The following STK33 variants were observed in gnomAD, a reference collection of about 807,000 sequenced individuals.
The protein encoded by STK33 is serine/threonine-protein kinase 33.
A neutral mutation model predicts 58.0 loss-of-function variants in STK33; 52 were observed. The ratio of observed to expected loss-of-function variants is 0.90; its 90% CI spans 0.72 to 1.13. The LOEUF is 1.13. Among genes scored for constraint, STK33 ranks in the 50% most tolerant of loss-of-function variants. The probability of loss-of-function intolerance (pLI) is 0.00; values close to 1 mark genes in which losing one functional copy is unlikely to be tolerated. For missense variants in STK33, 630 were observed against 604.2 expected (o/e 1.04, Z -0.45); for synonymous variants, 215 against 200.1 (o/e 1.07, Z -0.63).
intron 14 of STK33, among the ~76,000 whole-genome samples, chr11:8,425,965 C>G (rs1237172473): frequency 6.6e-6 from 1 of 151,992 alleles, no homozygotes; most frequent in South Asian, 2.1e-4. Flanking sequence ...TCCTGAAGCC[C>G]CAGTGGGTGT....
intron 1 of STK33, among the ~76,000 whole-genome samples, chr11:8,480,915 T>G (rs1461471918): frequency 5.9e-5 from 9 of 152,192 alleles, no homozygotes; most frequent in Non-Finnish European, 1.0e-4. Context: ...AGAGTAAATC[T>G]GGGAAGTCTG....
intron 1 of STK33, among the ~76,000 whole-genome samples, chr11:8,579,504 G>T (rs974256184): frequency 2.0e-5 from 3 of 151,686 alleles, no homozygotes; most frequent in Admixed American, 6.6e-5. Context: ...TATCTCTCTT[G>T]TAGATGAATA....
intron 1 of STK33, among the ~76,000 whole-genome samples, chr11:8,590,908 T>C (rs1289923123): frequency 2.0e-5 from 3 of 152,222 alleles, no homozygotes; most frequent in Non-Finnish European, 2.9e-5. Flanking sequence ...TAATTTTATA[T>C]TGCATTTTCC....
the STK33 span, among the ~76,000 whole-genome samples, chr11:8,355,654 A>T: frequency 6.6e-6 from 1 of 152,196 alleles, no homozygotes; most frequent in African/African-American, 2.4e-5. Context: ...GGCCAGGTGG[A>T]CTGGCTTTCA....
chr11:8,541,645 T>C (rs1241840317), intron 1 of STK33, among the ~76,000 whole-genome samples: 1 of 152,210 alleles, frequency 6.6e-6, no homozygotes, highest in African/African-American at 2.4e-5. Context: ...AACTTTGATA[T>C]AGTCCTAAAT....
intron 1 of STK33, among the ~76,000 whole-genome samples, chr11:8,523,329 T>C (rs1591616632): frequency 7.4e-6 from 1 of 134,686 alleles, no homozygotes; most frequent in Non-Finnish European, 1.6e-5. Flanking sequence ...CCAGCCGCCA[T>C]CCCATCTAGG....
chr11:8,575,564 C>T (rs1466347696), intron 1 of STK33, among the ~76,000 whole-genome samples: 1 of 151,988 alleles, frequency 6.6e-6, no homozygotes, highest in Non-Finnish European at 1.5e-5. Context: ...TGGAGACAGA[C>T]AGTAGATTAG....
chr11:8,557,286 G>GAGAA (rs150095375), intron 1 of STK33, among the ~76,000 whole-genome samples: 23 of 34,316 alleles, frequency 6.7e-4, no homozygotes, highest in Admixed American at 1.1e-3. Flanking sequence ...GGAGGGGAGG[G>GAGAA]GAGGAGAGAA....
At chr11:8,485,047 T>G (rs1158210128) in intron 1 of STK33, among the ~76,000 whole-genome samples, 2 of 152,194 alleles carry the variant, frequency 1.3e-5, no homozygotes, top group Non-Finnish European at 2.9e-5. Context: ...TCTGTAACAT[T>G]TGAAAAAATA....
intron 2 of STK33, among the ~76,000 whole-genome samples, chr11:8,480,104 G>C (rs1194458017): frequency 6.6e-6 from 1 of 152,140 alleles, no homozygotes; most frequent in Non-Finnish European, 1.5e-5. Flanking sequence ...AGAGGATTAG[G>C]CATATGGGAT....
intron 1 of STK33, among the ~76,000 whole-genome samples, chr11:8,584,814 T>C (rs1251311910): frequency 3.9e-5 from 6 of 151,982 alleles, no homozygotes; most frequent in African/African-American, 1.5e-4. Context: ...AACCCTAAGG[T>C]AAACAGGCAG....
intron 6 of STK33, among the ~76,000 whole-genome samples, chr11:8,471,441 T>C (rs1025101252): frequency 2.6e-5 from 4 of 152,184 alleles, no homozygotes; most frequent in African/African-American, 9.6e-5. Context: ...AAGAAGTCCA[T>C]GACATAGTGT....
At chr11:8,593,591 A>G (rs1591960132) in intron 1 of STK33, among the ~76,000 whole-genome samples, 1 of 151,820 alleles carries the variant, frequency 6.6e-6, no homozygotes, top group Admixed American at 6.6e-5. Flanking sequence ...TCATCCTTTC[A>G]CCTCCTATGT....
chr11:8,503,561 C>G (rs972044235), intron 1 of STK33, among the ~76,000 whole-genome samples: 3 of 152,142 alleles, frequency 2.0e-5, no homozygotes, highest in African/African-American at 7.2e-5. Flanking sequence ...ACACCAAACC[C>G]TTGCAACATG....
At chr11:8,559,004 A>C (rs1956950906) in intron 1 of STK33, among the ~76,000 whole-genome samples, 1 of 152,192 alleles carries the variant, frequency 6.6e-6, no homozygotes, top group African/African-American at 2.4e-5. Context: ...CAGACTCTCT[A>C]ATAGAAAACA....
At chr11:8,504,464 G>C (rs1411080264) in intron 1 of STK33, among the ~76,000 whole-genome samples, 1 of 152,044 alleles carries the variant, frequency 6.6e-6, no homozygotes, top group Non-Finnish European at 1.5e-5. Context: ...GGAATTTTGA[G>C]ATATAGTTGT....
downstream of STK33, among the ~76,000 whole-genome samples, chr11:8,387,099 A>T (rs1464671566): frequency 3.3e-5 from 5 of 152,226 alleles, no homozygotes; most frequent in African/African-American, 1.2e-4. Flanking sequence ...GTCCTTCAGA[A>T]TGCAGCTTTC....
At chr11:8,554,840 G>A (rs1956619099) in intron 1 of STK33, among the ~76,000 whole-genome samples, 1 of 152,124 alleles carries the variant, frequency 6.6e-6, no homozygotes, top group African/African-American at 2.4e-5. Flanking sequence ...CAATAGCCAA[G>A]ATGTGGAAAC....
intron 1 of STK33, among the ~76,000 whole-genome samples, chr11:8,520,875 C>T (rs573869510): frequency 1.7e-3 from 258 of 152,130 alleles, no homozygotes; most frequent in Middle Eastern, 3.4e-3. Flanking sequence ...ACATTCTATG[C>T]TCATGGATAG....
Sources: gnomAD v4.1 joint callset for allele counts (sites outside exome capture counted in the v4.1 genomes callset) on GRCh38, gnomAD v4.1.1 for gene constraint, MANE v1.5 for transcripts, NCBI Gene and HGNC (gene_info 2026-07-23, HGNC 2026-07-21) for gene names.